CPA6: variants seen among roughly 807,000 people sequenced by gnomAD.
The protein encoded by CPA6 is carboxypeptidase B.
CPA6 carries 58 observed loss-of-function variants against 63.3 expected under a neutral mutation model. The observed-to-expected ratio is 0.92, with a 90% CI of 0.74 to 1.14. The LOEUF (loss-of-function observed/expected upper bound fraction) is 1.14. Ranked by LOEUF, CPA6 falls within the 50% of genes most tolerant of loss-of-function variation. CPA6 has a pLI of 0.00. For synonymous variants in CPA6, 185 were observed against 179.0 expected (o/e 1.03, Z -0.27); for missense variants, 565 against 526.6 (o/e 1.07, Z -0.71).
At chr8:67,604,440 T>C (rs1814574022) in intron 2 of CPA6, among the ~76,000 whole-genome samples, 1 of 152,234 alleles carries the variant, frequency 6.6e-6, no homozygotes, top group Non-Finnish European at 1.5e-5. Flanking sequence ...TCTTCTTCCC[T>C]GACCGGTCAT....
At chr8:67,455,604 G>A (rs1463410105) in intron 8 of CPA6, among the ~76,000 whole-genome samples, 1 of 140,006 alleles carries the variant, frequency 7.1e-6, no homozygotes, top group African/African-American at 2.7e-5. Flanking sequence ...TGAGTGCTAA[G>A]GAGGCCAGGA....
At chr8:67,640,432 C>T (rs1815564712) in intron 1 of CPA6, among the ~76,000 whole-genome samples, 1 of 151,334 alleles carries the variant, frequency 6.6e-6, no homozygotes, top group Admixed American at 6.6e-5. Flanking sequence ...GTGCACACAT[C>T]TGTCTGGGTT....
intron 1 of CPA6, among the ~76,000 whole-genome samples, chr8:67,631,148 G>A (rs941921314): frequency 1.3e-5 from 2 of 152,258 alleles, no homozygotes; most frequent in African/African-American, 4.8e-5. Context: ...TGGCCCCGGT[G>A]TGGGATCTAC....
At chr8:67,599,180 C>T (rs1011769068) in intron 2 of CPA6, among the ~76,000 whole-genome samples, 4 of 152,118 alleles carry the variant, frequency 2.6e-5, no homozygotes, top group Admixed American at 6.5e-5. Flanking sequence ...TGATAAATGC[C>T]GCAATCATCA....
chr8:67,604,904 A>G (rs1382981760), intron 2 of CPA6, among the ~76,000 whole-genome samples: 1 of 152,010 alleles, frequency 6.6e-6, no homozygotes, highest in East Asian at 1.9e-4. Flanking sequence ...CAGCCTCCCA[A>G]GTAGCTGGGA....
intron 8 of CPA6, among the ~76,000 whole-genome samples, chr8:67,471,509 G>A (rs752484315): frequency 4.6e-5 from 7 of 151,626 alleles, no homozygotes; most frequent in Non-Finnish European, 8.8e-5. Context: ...TAACATTAGT[G>A]TTGTTTTTTT....
chr8:67,570,795 T>C (rs1813468010), intron 2 of CPA6, among the ~76,000 whole-genome samples: 2 of 152,226 alleles, frequency 1.3e-5, no homozygotes, highest in East Asian at 1.9e-4. Flanking sequence ...AAAGTATCTA[T>C]AAAACAACCA....
intron 1 of CPA6, among the ~76,000 whole-genome samples, chr8:67,674,538 T>C (rs1816425863): frequency 6.6e-6 from 1 of 152,204 alleles, no homozygotes; most frequent in South Asian, 2.1e-4. Context: ...CTGGCGAGGC[T>C]GTAGAGAAAA....
intron 2 of CPA6, among the ~76,000 whole-genome samples, chr8:67,543,069 G>T (rs560668830): frequency 6.6e-6 from 1 of 152,274 alleles, no homozygotes; most frequent in South Asian, 2.1e-4. Flanking sequence ...TCTTGTTGTT[G>T]TTGTTAGTAT....
rs1031553938 is a variant in CPA6, at chr8:67,623,951, C to T, written c.192+225G>A. On this transcript the variant is annotated intron_variant, in intron 2 of 10. Transcript: ENST00000297770. ...GGTGGAGGCTGCAGTGAGCCGAGAT[C>T]GCACCACTGCACCTCAGCTTGGACA... Among the ~76,000 whole-genome samples the T allele has an allele frequency of 9.2e-5, 14 of 151,866 alleles. 1 individual carries two copies. The highest frequency in any genetic ancestry group is 3.1e-4 in the African/African-American group (13 of 41,346).
chr8:67,636,529 G>A (rs187363162), intron 1 of CPA6, among the ~76,000 whole-genome samples: 1 of 151,334 alleles, frequency 6.6e-6, no homozygotes, highest in Admixed American at 6.6e-5. Flanking sequence ...ATACATATTG[G>A]CACTCCTTAT....
chr8:67,546,329 C>A (rs1812817969), intron 2 of CPA6, among the ~76,000 whole-genome samples: 1 of 152,180 alleles, frequency 6.6e-6, no homozygotes, highest in African/African-American at 2.4e-5. Flanking sequence ...GTTTATTAAG[C>A]TTTCTCAGTC....
At chr8:67,493,941 G>T (rs1811657567) in intron 6 of CPA6, among the ~76,000 whole-genome samples, 1 of 152,000 alleles carries the variant, frequency 6.6e-6, no homozygotes, top group African/African-American at 2.4e-5. Context: ...TCTTTGGTCT[G>T]CCACTGAATT....
intron 1 of CPA6, among the ~76,000 whole-genome samples, chr8:67,666,337 G>A (rs575469667): frequency 1.3e-5 from 2 of 152,308 alleles, no homozygotes; most frequent in African/African-American, 4.8e-5. Context: ...CTTGCAGCAA[G>A]CTCTCCAGTG....
intron 1 of CPA6, among the ~76,000 whole-genome samples, chr8:67,740,099 G>A (rs1020134205): frequency 6.6e-6 from 1 of 152,148 alleles, no homozygotes; most frequent in African/African-American, 2.4e-5. Flanking sequence ...GAATATAAAA[G>A]GTCAAACCAA....
intron 2 of CPA6, among the ~76,000 whole-genome samples, chr8:67,541,069 T>C (rs1812693476): frequency 6.6e-6 from 1 of 151,978 alleles, no homozygotes; most frequent in Admixed American, 6.6e-5. Context: ...TCACTGGCAT[T>C]CCAGGTGCCA....
intron 2 of CPA6, among the ~76,000 whole-genome samples, chr8:67,610,395 G>T (rs1054066710): frequency 6.6e-6 from 1 of 151,618 alleles, no homozygotes; most frequent in African/African-American, 2.4e-5. Flanking sequence ...AAAAAAGAGA[G>T]AAAAAAAATA....
In CPA6 at chr8:67,434,211, C is replaced by G; in HGVS notation, c.868G>C (p.Asp290His). The G allele has an allele frequency of 1.2e-6, 2 of 1,614,078 alleles. No homozygotes were observed. The highest frequency in any genetic ancestry group is 2.7e-5 in the African/African-American group (2 of 75,046). ...DEGASMHPCD[D>H]TYCGPFPESE... ...TCTGGAAAAGGGCCACAGTATGTGT[C>G]ATCACAAGGGTGCATAGAAGCTCCT... The change falls in exon 9 of 11, where the codon GAC (aspartate) becomes CAC (histidine). Residue 290 changes from aspartate to histidine, a missense_variant. Asp to His is a moderately conservative substitution (Grantham distance 81). Coordinates refer to ENST00000297770, the MANE Select transcript of CPA6 (RefSeq NM_020361.5).
chr8:67,685,067 C>CTCTA (rs1431304068), intron 1 of CPA6, among the ~76,000 whole-genome samples: 2 of 152,152 alleles, frequency 1.3e-5, no homozygotes, highest in African/African-American at 4.8e-5. Flanking sequence ...TATACCTATA[C>CTCTA]TCTATATCAA....
Sources: allele counts gnomAD v4.1 joint callset (sites outside exome capture counted in the v4.1 genomes callset), GRCh38; gene constraint gnomAD v4.1.1; transcripts MANE v1.5; gene names NCBI Gene and HGNC (gene_info 2026-07-23, HGNC 2026-07-21).